The following MXI1 variants were observed in gnomAD, a reference collection of about 807,000 sequenced individuals.
The protein encoded by MXI1 is max-interacting protein 1.
MXI1 carries 18 observed loss-of-function variants against 36.9 expected under a neutral mutation model. That is an observed-to-expected ratio of 0.49 (90% CI 0.34 to 0.72). The LOEUF is 0.72. MXI1 is among the 30% of genes least tolerant of loss of function. The probability of loss-of-function intolerance (pLI) is 0.01; values close to 1 mark genes in which losing one functional copy is unlikely to be tolerated. For synonymous variants in MXI1, 160 were observed against 146.7 expected (o/e 1.09, Z -0.65); for missense variants, 304 against 379.1 (o/e 0.80, Z 1.64).
chr10:110,247,639 A>C (rs1478737441), intron 3 of MXI1, among the ~76,000 whole-genome samples: 1 of 152,212 alleles, frequency 6.6e-6, no homozygotes, highest in East Asian at 1.9e-4. Flanking sequence ...TCAAAACCAC[A>C]ATGAGATGCC....
intron 1 of MXI1, among the ~76,000 whole-genome samples, chr10:110,218,755 C>T (rs1564705265): frequency 6.6e-6 from 1 of 152,114 alleles, no homozygotes; most frequent in Non-Finnish European, 1.5e-5. Flanking sequence ...GGTGTGAATC[C>T]ACACCCTGTC....
intron 2 of MXI1, among the ~76,000 whole-genome samples, chr10:110,237,224 C>T (rs963123528): frequency 5.9e-5 from 9 of 152,130 alleles, no homozygotes; most frequent in Non-Finnish European, 1.3e-4. Flanking sequence ...CTGGCTAGAA[C>T]CTCTAGTACA....
At chr10:110,279,807 ACACT>A (rs1408634507) in intron 4 of MXI1, 103 bp from the exon 5 acceptor site, 48 of 680,518 alleles carry the variant, frequency 7.1e-5, no homozygotes, top group East Asian at 3.7e-4. Flanking sequence ...ATTTTTATAC[ACACT>A]CACACATGTA....
chr10:110,278,906 G>GTTCCATATTAAT (rs2134469650), intron 3 of MXI1, among the ~76,000 whole-genome samples: 1 of 152,234 alleles, frequency 6.6e-6, no homozygotes, highest in East Asian at 1.9e-4. Context: ...ATACAGTTGA[G>GTTCCATATTAAT]ACAGTTTATG....
intron 1 of MXI1, among the ~76,000 whole-genome samples, chr10:110,215,037 T>G (rs944666969): frequency 2.6e-5 from 2 of 76,602 alleles, no homozygotes; most frequent in African/African-American, 2.3e-4. Flanking sequence ...TTCAGTTTTT[T>G]TTTTTGTTTT....
chr10:110,228,429 C>G (rs1855140361), intron 2 of MXI1, 108 bp downstream of exon 2: 2 of 1,354,082 alleles, frequency 1.5e-6, no homozygotes, highest in Admixed American at 4.2e-5. Flanking sequence ...TTACCACTAC[C>G]CTGGGGATTT....
At chr10:110,215,551 G>C (rs937228666) in intron 1 of MXI1, among the ~76,000 whole-genome samples, 1 of 152,204 alleles carries the variant, frequency 6.6e-6, no homozygotes, top group Non-Finnish European at 1.5e-5. Context: ...GTTCCAGGTA[G>C]AGTCCCAACC....
chr10:110,255,022 G>C (rs1856236282), intron 3 of MXI1, among the ~76,000 whole-genome samples: 1 of 152,192 alleles, frequency 6.6e-6, no homozygotes, highest in African/African-American at 2.4e-5. Flanking sequence ...TGCCATCCAG[G>C]ACTTTCATAG....
intron 3 of MXI1, chr10:110,245,639 C>G (rs1855835041): frequency 6.6e-6 from 1 of 152,058 alleles, no homozygotes; most frequent in South Asian, 2.1e-4. Context: ...TCTACCATGC[C>G]CAAGAGTTTA....
At chr10:110,239,513 G>A (rs1304327190) in intron 2 of MXI1, among the ~76,000 whole-genome samples, 2 of 152,120 alleles carry the variant, frequency 1.3e-5, no homozygotes, top group Admixed American at 1.3e-4. Flanking sequence ...TCTTTGAGCT[G>A]TGATTTATGT....
At chr10:110,234,829 GT>G (rs1174949948) in intron 2 of MXI1, among the ~76,000 whole-genome samples, 2 of 152,038 alleles carry the variant, frequency 1.3e-5, no homozygotes, top group African/African-American at 4.8e-5. Flanking sequence ...AAAATTCTCT[GT>G]AGTTTCTAGT....
At position 110,253,806 on chromosome 10, in the gene MXI1, A is replaced by G. The variant is rs1856186692; in HGVS notation, c.437+8949A>G. 3.9e-5 allele frequency among the ~76,000 whole-genome samples: 6 copies of G among 152,128 alleles called. No homozygotes were observed. In the South Asian group the frequency reaches 1.2e-3, roughly 31 times the overall value. ...TGGTTTTTACTAAGATGCAAAGGGT[A>G]TTAGTATGTCTCAATATGAAAATAC... On this transcript the variant is annotated intron_variant, in intron 3 of 5. Coordinates refer to ENST00000332674, the MANE Select transcript of MXI1 (RefSeq NM_130439.3).
intron 3 of MXI1, among the ~76,000 whole-genome samples, chr10:110,267,985 G>A (rs2134444580): frequency 6.6e-6 from 1 of 152,298 alleles, no homozygotes; most frequent in East Asian, 1.9e-4. Flanking sequence ...CTTTCATCCT[G>A]CAGTATCTGA....
At chr10:110,272,403 C>G (rs1239961389) in intron 3 of MXI1, among the ~76,000 whole-genome samples, 2 of 152,086 alleles carry the variant, frequency 1.3e-5, no homozygotes, top group African/African-American at 4.8e-5. Context: ...TTTGCATTAT[C>G]TGTGTTTGTT....
intron 1 of MXI1, among the ~76,000 whole-genome samples, chr10:110,222,677 GT>G (rs1202132550): frequency 6.6e-6 from 1 of 152,164 alleles, no homozygotes; most frequent in Admixed American, 6.5e-5. Flanking sequence ...AGGATTCCAG[GT>G]TCTTATGTCA....
chr10:110,239,909 C>T (rs1855609228), intron 2 of MXI1, among the ~76,000 whole-genome samples: 1 of 151,660 alleles, frequency 6.6e-6, no homozygotes. Flanking sequence ...TCACTGTCAC[C>T]CCCTCCCCAA....
chr10:110,280,106 C>CG, intron 5 of MXI1, 21 bp downstream of exon 5: 1 of 1,559,142 alleles, frequency 6.4e-7, no homozygotes, highest in Non-Finnish European at 8.7e-7. Context: ...TGCCTCTTCT[C>CG]TAATGAAATA....
intron 3 of MXI1, chr10:110,260,950 A>C (rs1856491089): frequency 1.0e-6 from 1 of 971,396 alleles, no homozygotes. Context: ...CAGGCTCCAG[A>C]AATCTGGTTT....
At chr10:110,248,958 A>G (rs1381359681) in intron 3 of MXI1, among the ~76,000 whole-genome samples, 1 of 152,120 alleles carries the variant, frequency 6.6e-6, no homozygotes, top group Non-Finnish European at 1.5e-5. Context: ...TAGACTTAGG[A>G]TAGGGGAGGT....
Sources: allele counts gnomAD v4.1 joint callset (sites outside exome capture counted in the v4.1 genomes callset), GRCh38; gene constraint gnomAD v4.1.1; transcripts MANE v1.5; gene names NCBI Gene and HGNC (gene_info 2026-07-23, HGNC 2026-07-21).